ANXA6: variants seen among roughly 807,000 people sequenced by gnomAD.
ANXA6 encodes the protein 67 kDa calelectrin.
A neutral mutation model predicts 95.4 loss-of-function variants in ANXA6; 71 were observed. That is an observed-to-expected ratio of 0.74 (90% CI 0.61 to 0.91). The LOEUF (loss-of-function observed/expected upper bound fraction) is 0.91. Ranked by LOEUF, ANXA6 falls within the 40% of genes least tolerant of loss-of-function variation. The pLI is 0.00. For synonymous variants in ANXA6, 289 were observed against 315.9 expected, an observed-to-expected ratio of 0.91 and a Z score of 0.90; for missense variants, 830 against 876.4, an observed-to-expected ratio of 0.95 and a Z score of 0.67.
chr5:151,135,911 G>A (rs887482055), intron 7 of ANXA6, among the ~76,000 whole-genome samples: 7 of 152,272 alleles, frequency 4.6e-5, no homozygotes, highest in East Asian at 3.9e-4. Flanking sequence ...TACTTTGGGC[G>A]GGCGGTGAGG....
intron 25 of ANXA6, 132 bp from the exon 26 acceptor site, chr5:151,101,639 T>G (rs560272550): frequency 1.3e-6 from 1 of 768,250 alleles, no homozygotes; most frequent in African/African-American, 1.7e-5. Context: ...CCATGCCACA[T>G]GTAGGCTACT....
At chr5:151,149,130 A>T (rs1766043332) in intron 1 of ANXA6, among the ~76,000 whole-genome samples, 1 of 146,964 alleles carries the variant, frequency 6.8e-6, no homozygotes, top group South Asian at 2.2e-4. Flanking sequence ...GCAGTGAGCC[A>T]AGGTTGCACC....
chr5:151,126,436 T>C lies in ANXA6; in HGVS notation c.1022A>G (p.Gln341Arg). The C allele has an allele frequency of 6.2e-7, 1 of 1,611,314 alleles. No homozygotes were observed. Among genetic ancestry groups the C allele is most frequent in the South Asian group, 1.1e-5 (1 of 90,360 alleles). Residue 341 changes from glutamine (Q) to arginine (R), a missense_variant, in exon 14 of 26, where the codon CAG becomes CGG. By Grantham distance (43) the Gln-to-Arg change is conservative. Coordinates refer to ENST00000354546, the MANE Select transcript of ANXA6 (RefSeq NM_001155.5). Reference sequence around the variant, plus strand: ...GGCCACTGCACTAAGTTCCCACATCTGATAGGCCACCTGCGCTGCCTCCGG... The same window carrying C: ...GGCCACTGCACTAAGTTCCCACATCCGATAGGCCACCTGCGCTGCCTCCGG... ...FFPEAAQVAY[Q>R]MWELSAVARV...
chr5:151,124,223 C>A, intron 15 of ANXA6, 63 bp downstream of exon 15: 1 of 1,466,848 alleles, frequency 6.8e-7, no homozygotes, highest in Non-Finnish European at 9.5e-7. Flanking sequence ...TGCCAGCCCA[C>A]GGCCAAACCC....
At position 151,141,665 on chromosome 5, in the gene ANXA6, G is replaced by A. The variant is rs892269442; in HGVS notation, c.19-1422C>T. ...ATGCTCTCTGGTCTCTGTCTGCAGA[G>A]GCTGGCTCCTCTGAGGTATGCATGC... On this transcript the variant is annotated intron_variant, in intron 2 of 25. Transcript: ENST00000354546. The A allele has an allele frequency of 3.0e-6, 3 of 985,452 alleles. No homozygotes were observed. The East Asian group carries it at 3.4e-4, about 112-fold the overall frequency. 61.0% of individuals were successfully genotyped at this position (985,452 alleles called of 1,614,324 possible).
At chr5:151,139,583 G>A in intron 3 of ANXA6, 136 bp from the exon 4 acceptor site, 1 of 686,954 alleles carries the variant, frequency 1.5e-6, no homozygotes, top group Admixed American at 2.2e-5. Flanking sequence ...TCAGGTGCTG[G>A]TGTCAGGGCA....
intron 15 of ANXA6, among the ~76,000 whole-genome samples, chr5:151,123,224 G>A (rs1375359816): frequency 6.6e-6 from 1 of 152,190 alleles, no homozygotes; most frequent in Non-Finnish European, 1.5e-5. Context: ...ACACGCTGAG[G>A]AAAAAGGACA....
At chr5:151,128,330 G>A (rs1765388312) in intron 12 of ANXA6, 91 bp from the exon 13 acceptor site, 1 of 1,127,484 alleles carries the variant, frequency 8.9e-7, no homozygotes, top group South Asian at 1.3e-5. Context: ...TGAAAGAGGG[G>A]AAGGCTGAAT....
chr5:151,122,536 A>G (rs188268641), intron 16 of ANXA6, among the ~76,000 whole-genome samples: 1 of 152,364 alleles, frequency 6.6e-6, no homozygotes, highest in African/African-American at 2.4e-5. Flanking sequence ...AAATGCATCA[A>G]CCTAAGCCAG....
chr5:151,100,839 T>C lies in ANXA6; in HGVS notation c.*609A>G, dbSNP rs1448823156. On this transcript the variant is annotated 3_prime_UTR_variant, in exon 26 of 26. Transcript: ENST00000354546. ...AAGATTTTTTTGTCCAACTGTCTCATTGTAGATAAGAAAATAGAGACTCAG... is the reference window on the plus strand; with the variant it reads ...AAGATTTTTTTGTCCAACTGTCTCACTGTAGATAAGAAAATAGAGACTCAG... 2.2e-5 allele frequency: 10 copies of C among 453,716 alleles called. No homozygotes were observed. Among genetic ancestry groups the C allele is most frequent in the Admixed American group, 9.4e-5 (4 of 42,396 alleles). The allele number at this position is 453,716 out of a possible 1,614,324, so 28.1% of individuals were successfully genotyped here.
rs1330310969 is a variant in ANXA6, at chr5:151,101,556, A to C, written c.1963-49T>G. 198 of 1,490,432 alleles carry C rather than the reference A, an allele frequency of 1.3e-4. 1 individual carries two copies. The highest frequency in any genetic ancestry group is 9.0e-4 in the Admixed American group (46 of 50,912). The allele number at this position is 1,490,432 out of a possible 1,614,324, so 92.3% of individuals were successfully genotyped here. On this transcript the variant is annotated intron_variant, in intron 25 of 25. Coordinates refer to ENST00000354546, the MANE Select transcript of ANXA6 (RefSeq NM_001155.5). ...GAGTGAAAACAGTCCTTCCAGTCTC[A>C]ATGCCCCCTCCTCCCGGCTGCCCAT...
At chr5:151,109,913 C>T (rs1764803283) in intron 21 of ANXA6, 67 bp from the exon 22 acceptor site, 3 of 1,234,650 alleles carry the variant, frequency 2.4e-6, no homozygotes, top group South Asian at 2.6e-5. Flanking sequence ...TTATTATTCA[C>T]TTTCATGTCT....
Position 151,136,331 on chromosome 5 carries a change from G to A in ANXA6, c.414C>T (p.Tyr138=), listed in dbSNP as rs200416770. The A allele has an allele frequency of 1.2e-4, 193 of 1,613,904 alleles. No individual in the cohort carries two copies. The African/African-American group carries it at 1.7e-3, about 14-fold the overall frequency. Residue 138 remains tyrosine (Y), a synonymous_variant, in exon 7 of 26, where the codon TAC becomes TAT. Coordinates refer to ENST00000354546, the MANE Select transcript of ANXA6 (RefSeq NM_001155.5). ...TGATGTCAGCCTCCAGGTCCCGCTC[G>A]TAGGCTGCAGAAAGGAACGCAAGCT... is the stretch of plus-strand genomic sequence containing the variant. ...HQLVAAYKDA[Y]ERDLEADIIG...
intron 24 of ANXA6, among the ~76,000 whole-genome samples, chr5:151,103,909 G>C (rs1024877972): frequency 2.6e-5 from 4 of 152,228 alleles, no homozygotes; most frequent in Non-Finnish European, 5.9e-5. Context: ...GGGTTGAATA[G>C]TGTCCCCATG....
At chr5:151,144,561 C>T (rs998847741) in intron 2 of ANXA6, among the ~76,000 whole-genome samples, 7 of 152,116 alleles carry the variant, frequency 4.6e-5, no homozygotes, top group African/African-American at 1.7e-4. Context: ...GGATGAAGGG[C>T]GGAGGATGAG....
chr5:151,137,583 T>C (rs562267859), intron 5 of ANXA6, among the ~76,000 whole-genome samples: 37 of 152,302 alleles, frequency 2.4e-4, no homozygotes, highest in African/African-American at 8.7e-4. Flanking sequence ...GGTTGGATCA[T>C]GGGGGCGGTT....
At chr5:151,122,530 G>A (rs919016266) in intron 16 of ANXA6, among the ~76,000 whole-genome samples, 1 of 152,222 alleles carries the variant, frequency 6.6e-6, no homozygotes, top group Non-Finnish European at 1.5e-5. Context: ...AGGGGGAAAT[G>A]CATCAACCTA....
At chr5:151,122,347 G>A in intron 16 of ANXA6, 87 bp from the exon 17 acceptor site, 1 of 724,164 alleles carries the variant, frequency 1.4e-6, no homozygotes. Context: ...AGAAAACAGG[G>A]GTTCCACATG....
chr5:151,108,419 G>T, intron 23 of ANXA6, 36 bp downstream of exon 23: 1 of 1,571,800 alleles, frequency 6.4e-7, no homozygotes, highest in Non-Finnish European at 8.8e-7. Flanking sequence ...CAAGTTCCCA[G>T]TGCCCCCAGC....
Sources: allele counts gnomAD v4.1 joint callset (sites outside exome capture counted in the v4.1 genomes callset), GRCh38; gene constraint gnomAD v4.1.1; transcripts MANE v1.5; gene names NCBI Gene and HGNC (gene_info 2026-07-23, HGNC 2026-07-21).